Variants in LONRF2 observed in about 807,000 individuals in gnomAD.
The protein encoded by LONRF2 is LON peptidase N-terminal domain and ring finger 2, also known as LON peptidase N-terminal domain and RING finger protein 2.
A neutral mutation model predicts 66.6 loss-of-function variants in LONRF2; 35 were observed. The observed-to-expected ratio is 0.53, with a 90% CI of 0.40 to 0.70. LONRF2 has a LOEUF of 0.70. Among genes scored for constraint, LONRF2 ranks in the 30% least tolerant of loss-of-function variants. The pLI, the probability that LONRF2 is intolerant of heterozygous loss-of-function variation, is 0.00. For synonymous variants in LONRF2, 417 were observed against 418.1 expected, an observed-to-expected ratio of 1.00 and a Z score of 0.03; for missense variants, 902 against 1,002.1, an observed-to-expected ratio of 0.90 and a Z score of 1.35.
chr2:100,305,305 T>C (rs960677707), intron 2 of LONRF2, among the ~76,000 whole-genome samples: 1 of 152,246 alleles, frequency 6.6e-6, no homozygotes, highest in Non-Finnish European at 1.5e-5. Context: ...ATAGTGTCTT[T>C]ATTTTTTTTA....
rs1674539673 is a variant in LONRF2 at position 100,273,580 on chromosome 2, A to G, written c.*10718T>C. ...TTAAGTTTCGTCTCACTTAGGCAAC[A>G]AGAAATGCTGAGTAGTATTATTACA... is the stretch of plus-strand genomic sequence containing the variant. On this transcript the variant is annotated 3_prime_UTR_variant, in exon 12 of 12. Coordinates refer to ENST00000393437, the MANE Select transcript of LONRF2 (RefSeq NM_198461.4). 1 of 152,248 alleles carries G rather than the reference A, an allele frequency of 6.6e-6. No homozygotes were observed. Among genetic ancestry groups the G allele is most frequent in the Non-Finnish European group, 1.5e-5 (1 of 68,042 alleles). 9.4% of individuals were successfully genotyped at this position (152,248 alleles called of 1,614,324 possible). A position where few individuals can be genotyped will look rare whatever the true frequency, so the allele number is the denominator to read the frequency against.
chr2:100,290,448 G>A (rs767652855), intron 9 of LONRF2, 28 bp from the exon 10 acceptor site: 10 of 1,582,068 alleles, frequency 6.3e-6, no homozygotes, highest in Non-Finnish European at 7.7e-6. Flanking sequence ...AGAAATGACT[G>A]TGATTTTTAA....
At chr2:100,299,092 A>G (rs1675127232) in intron 6 of LONRF2, 134 bp downstream of exon 6, 1 of 860,478 alleles carries the variant, frequency 1.2e-6, no homozygotes. Flanking sequence ...ATCTTATTAA[A>G]TCTTTAGAAA....
rs1674763563 is a variant in LONRF2, at chr2:100,282,720, T to G, written c.*1578A>C. ...ACAATAAGTGAGGCACTTGAAACATTGGATTGGAAAATACTTTCACATTTT... is the reference window on the plus strand; with the variant it reads ...ACAATAAGTGAGGCACTTGAAACATGGGATTGGAAAATACTTTCACATTTT... On this transcript the variant is annotated 3_prime_UTR_variant, in exon 12 of 12. Transcript: ENST00000393437. The G allele has an allele frequency of 6.6e-6, 1 of 152,246 alleles. No homozygotes were observed. The highest frequency in any genetic ancestry group is 1.5e-5 in the Non-Finnish European group (1 of 68,054). 9.4% of individuals were successfully genotyped at this position (152,246 alleles called of 1,614,324 possible).
At chr2:100,319,442 T>G (rs187080979) in intron 1 of LONRF2, among the ~76,000 whole-genome samples, 1 of 152,286 alleles carries the variant, frequency 6.6e-6, no homozygotes, top group African/African-American at 2.4e-5. Context: ...ATCCATCCCC[T>G]AAATCATGAA....
rs1292538040 is a variant in LONRF2, at chr2:100,283,611, G to A, written c.*687C>T. 2 of 151,894 alleles carry A rather than the reference G, an allele frequency of 1.3e-5. No individual in the cohort carries two copies. Among genetic ancestry groups the A allele is most frequent in the African/African-American group, 2.4e-5 (1 of 41,288 alleles). 9.4% of individuals were successfully genotyped at this position (151,894 alleles called of 1,614,324 possible). A position where few individuals can be genotyped will look rare whatever the true frequency, so the allele number is the denominator to read the frequency against. On this transcript the variant is annotated 3_prime_UTR_variant, in exon 12 of 12. Transcript: ENST00000393437. ...TATATATCCTCAAGTGAATGATACT[G>A]TTCTCAGGTTTTTCTATATCCAAGG...
At position 100,309,018 on chromosome 2, in the gene LONRF2, G is replaced by A; in HGVS notation, c.798+89C>T. On this transcript the variant is annotated intron_variant, in intron 2 of 11. Transcript: ENST00000393437. ...TGAGGGAAACATACTTTGTCTATAGGTACCTGATCACAATAATCTTACTTT... is the reference window on the plus strand; with the variant it reads ...TGAGGGAAACATACTTTGTCTATAGATACCTGATCACAATAATCTTACTTT... 4.8e-6 allele frequency: 4 copies of A among 837,406 alleles called. 1 individual carries two copies. In the South Asian group the frequency reaches 7.7e-5, roughly 16 times the overall value. The allele number at this position is 837,406 out of a possible 1,614,324, so 51.9% of individuals were successfully genotyped here. A position where few individuals can be genotyped will look rare whatever the true frequency, so the allele number is the denominator to read the frequency against.
rs535699430 is a variant in LONRF2 at position 100,301,498 on chromosome 2, C to A, written c.922-711G>T. Reference sequence around the variant, plus strand: ...AGGTGAGTGCGCTAGAATCCATGGCCTTGCAGCAATGCGCACCACCACCCT... The same window carrying A: ...AGGTGAGTGCGCTAGAATCCATGGCATTGCAGCAATGCGCACCACCACCCT... On this transcript the variant is annotated intron_variant, in intron 3 of 11. Coordinates refer to ENST00000393437, the MANE Select transcript of LONRF2 (RefSeq NM_198461.4). Among the ~76,000 whole-genome samples, 38 of 152,338 alleles carry A rather than the reference C, an allele frequency of 2.5e-4. No individual in the cohort carries two copies. The East Asian group carries it at 7.0e-3, about 28-fold the overall frequency.
chr2:100,298,711 T>G (rs1376191883), intron 7 of LONRF2, 125 bp downstream of exon 7: 1 of 675,806 alleles, frequency 1.5e-6, no homozygotes, highest in Non-Finnish European at 2.7e-6. Context: ...AAAAGACCTA[T>G]CTTTGATTGG....
chr2:100,287,826 G>T (rs1039998536), intron 10 of LONRF2, among the ~76,000 whole-genome samples: 3 of 152,200 alleles, frequency 2.0e-5, no homozygotes, highest in Non-Finnish European at 4.4e-5. Flanking sequence ...ACTCTCATGT[G>T]TGAATCTAGC....
intron 7 of LONRF2, 78 bp downstream of exon 7, chr2:100,298,758 G>T: frequency 9.8e-7 from 1 of 1,018,272 alleles, no homozygotes; most frequent in Non-Finnish European, 1.5e-6. Context: ...GGTGGGGGAA[G>T]CAACACGAGA....
At chr2:100,308,337 AT>A (rs1395961861) in intron 2 of LONRF2, among the ~76,000 whole-genome samples, 13 of 152,150 alleles carry the variant, frequency 8.5e-5, no homozygotes, top group African/African-American at 2.2e-4. Flanking sequence ...AAATAAAAAA[AT>A]AAAAGATGGG....
chr2:100,300,821 T>C (rs1343986571), intron 3 of LONRF2, 34 bp from the exon 4 acceptor site: 12 of 1,498,506 alleles, frequency 8.0e-6, no homozygotes, highest in Non-Finnish European at 1.1e-5. Flanking sequence ...AAAATATATA[T>C]TTTAAAACAC....
chr2:100,298,523 C>T (rs1026911690), intron 7 of LONRF2, among the ~76,000 whole-genome samples: 10 of 152,202 alleles, frequency 6.6e-5, no homozygotes, highest in African/African-American at 2.4e-4. Context: ...TCCTGGAGCA[C>T]ATTAAGTGCA....
In LONRF2 at chr2:100,320,040, A is replaced by T. The variant is rs553995110; in HGVS notation, c.679+1375T>A. ...ATTTGATGTTGGAATTGGGTAGTGC[A>T]GTAAATGCAAAATATATAACGAATT... On this transcript the variant is annotated intron_variant, in intron 1 of 11. Coordinates refer to ENST00000393437, the MANE Select transcript of LONRF2 (RefSeq NM_198461.4). 2.5e-4 allele frequency among the ~76,000 whole-genome samples: 38 copies of T among 152,372 alleles called. 1 individual carries two copies. In the South Asian group the frequency reaches 7.9e-3, roughly 32 times the overall value.
chr2:100,280,304 G>C lies in LONRF2; in HGVS notation c.*3994C>G, dbSNP rs77223519. 9.2e-4 allele frequency: 140 copies of C among 152,218 alleles called. No individual in the cohort carries two copies. The highest frequency in any genetic ancestry group is 3.3e-3 in the African/African-American group (136 of 41,510). 9.4% of individuals were successfully genotyped at this position (152,218 alleles called of 1,614,324 possible). A position where few individuals can be genotyped will look rare whatever the true frequency, so the allele number is the denominator to read the frequency against. ...AGAGAGGGGGTGATGCTGGCAAAGGGGTTCGGTTATCTCCCTGTGTGGGCG... is the reference window on the plus strand; with the variant it reads ...AGAGAGGGGGTGATGCTGGCAAAGGCGTTCGGTTATCTCCCTGTGTGGGCG... On this transcript the variant is annotated 3_prime_UTR_variant, in exon 12 of 12. Transcript: ENST00000393437.
At chr2:100,305,135 A>G (rs1023901006) in intron 2 of LONRF2, among the ~76,000 whole-genome samples, 2 of 152,156 alleles carry the variant, frequency 1.3e-5, no homozygotes, top group Admixed American at 6.5e-5. Flanking sequence ...TTGTCCCAGT[A>G]CTGTTTTTGT....
intron 1 of LONRF2, among the ~76,000 whole-genome samples, chr2:100,312,885 A>G (rs1228409678): frequency 1.3e-5 from 2 of 152,258 alleles, no homozygotes; most frequent in East Asian, 3.8e-4. Flanking sequence ...GAGGAAGTGC[A>G]AATTATTAAA....
intron 1 of LONRF2, among the ~76,000 whole-genome samples, chr2:100,318,350 T>C (rs999225117): frequency 6.6e-5 from 10 of 152,214 alleles, no homozygotes; most frequent in African/African-American, 2.4e-4. Context: ...ATACATTTAT[T>C]TACCTCTTTC....
Sources: gnomAD v4.1 joint callset for allele counts (sites outside exome capture counted in the v4.1 genomes callset) on GRCh38, gnomAD v4.1.1 for gene constraint, MANE v1.5 for transcripts, NCBI Gene and HGNC (gene_info 2026-07-23, HGNC 2026-07-21) for gene names.